Variants in NRG1 observed in about 807,000 individuals in gnomAD.
NRG1 encodes the protein neuregulin 1, also known as pro-neuregulin-1, membrane-bound isoform.
Under a neutral mutation model 63.8 loss-of-function variants are expected in NRG1, and 18 were observed. That is an observed-to-expected ratio of 0.28 (90% CI 0.19 to 0.42). NRG1 has a LOEUF of 0.42. Ranked by LOEUF, NRG1 falls within the 10% of genes least tolerant of loss-of-function variation. NRG1 has a pLI of 1.00. For missense variants in NRG1, 762 were observed against 814.7 expected (o/e 0.94, Z 0.79); for synonymous variants, 302 against 301.3 (o/e 1.00, Z -0.02).
At chr8:32,480,715 A>G (rs9886532) in intron 1 of NRG1, among the ~76,000 whole-genome samples, 94,744 of 151,998 alleles carry the variant, frequency 0.62, 29,765 homozygotes, top group East Asian at 0.79. Context: ...AAAGCTTCCA[A>G]TCATGGCAGA....
chr8:32,605,713 C>T (rs1199345628), intron 3 of NRG1, 30 bp downstream of exon 3: 50 of 1,608,524 alleles, frequency 3.1e-5, no homozygotes, highest in Non-Finnish European at 4.1e-5. Context: ...TTCTGTTCCT[C>T]AATCTGTAAC....
At chr8:31,989,388 A>T (rs1484085422) in intron 1 of NRG1, among the ~76,000 whole-genome samples, 1 of 151,812 alleles carries the variant, frequency 6.6e-6, no homozygotes, top group East Asian at 1.9e-4. Context: ...TCTGAGTATC[A>T]GTTATATTTA....
chr8:32,760,884 A>G (rs568517892), intron 11 of NRG1: 3 of 996,848 alleles, frequency 3.0e-6, no homozygotes, highest in Non-Finnish European at 3.6e-6. Flanking sequence ...ATCAAGGGCT[A>G]TGTCATTGCT....
At chr8:31,871,364 G>A (rs1406191754) in intron 1 of NRG1, among the ~76,000 whole-genome samples, 1 of 152,120 alleles carries the variant, frequency 6.6e-6, no homozygotes, top group African/African-American at 2.4e-5. Flanking sequence ...TTGCTTGCTT[G>A]TTGCGTTGCC....
intron 1 of NRG1, among the ~76,000 whole-genome samples, chr8:31,667,167 A>G (rs1418587537): frequency 6.6e-6 from 1 of 152,166 alleles, no homozygotes; most frequent in African/African-American, 2.4e-5. Context: ...CCCTGCAAAG[A>G]CTCAACCAGT....
At chr8:32,759,779 G>C (rs1830365548) in intron 10 of NRG1, among the ~76,000 whole-genome samples, 1 of 152,144 alleles carries the variant, frequency 6.6e-6, no homozygotes, top group Middle Eastern at 3.2e-3. Flanking sequence ...CATGAGAATT[G>C]GTTAAATAGT....
intron 3 of NRG1, among the ~76,000 whole-genome samples, chr8:32,606,479 G>A (rs1301005853): frequency 1.3e-5 from 2 of 151,996 alleles, no homozygotes; most frequent in African/African-American, 4.8e-5. Flanking sequence ...ATCCACCTCT[G>A]ACAACTTCTG....
At chr8:32,212,468 G>C (rs1487935263) in intron 1 of NRG1, among the ~76,000 whole-genome samples, 1 of 151,964 alleles carries the variant, frequency 6.6e-6, no homozygotes, top group African/African-American at 2.4e-5. Context: ...TAGAATGATG[G>C]GAAAATTAAA....
intron 1 of NRG1, among the ~76,000 whole-genome samples, chr8:31,913,223 C>T (rs1412330792): frequency 6.6e-6 from 1 of 152,148 alleles, no homozygotes; most frequent in Non-Finnish European, 1.5e-5. Flanking sequence ...AAAACAATAT[C>T]CACTCCTTAG....
intron 1 of NRG1, among the ~76,000 whole-genome samples, chr8:32,582,401 G>A (rs917960612): frequency 1.3e-5 from 2 of 152,076 alleles, no homozygotes; most frequent in Non-Finnish European, 2.9e-5. Context: ...CCCAGCCTGA[G>A]CTCTCTATAT....
At position 31,640,908 on chromosome 8, in the gene NRG1, T is replaced by C. The variant is rs1259972232; in HGVS notation, c.37+1477T>C. ...AGAGGGAGGTTTCGCTTTCTCCAGC[T>C]TCCCTTGTCTTAGGCTTTGCCACTG... is the stretch of plus-strand genomic sequence containing the variant. On this transcript the variant is annotated intron_variant, in intron 1 of 10. Transcript: ENST00000519301. The surrounding 1 kb of genome is among the most constrained non-coding windows in gnomAD (Gnocchi z 6.3). Among the ~76,000 whole-genome samples, 1 of 152,218 alleles carries C rather than the reference T, an allele frequency of 6.6e-6. No individual in the cohort carries two copies. Among genetic ancestry groups the C allele is most frequent in the African/African-American group, 2.4e-5 (1 of 41,470 alleles).
chr8:32,764,001 G>A (rs2129062215), exon 12 of NRG1: 1 of 1,614,064 alleles, frequency 6.2e-7, no homozygotes, highest in Non-Finnish European at 8.5e-7. Context: ...CCCCGCGCAT[G>A]ACAGTAACAG....
intron 1 of NRG1, among the ~76,000 whole-genome samples, chr8:31,740,150 G>A (rs1318622372): frequency 1.3e-5 from 2 of 151,844 alleles, no homozygotes; most frequent in Admixed American, 6.6e-5. Context: ...ATATGTATTA[G>A]GCAATGCAAA....
chr8:32,382,412 A>T (rs578228032), intron 1 of NRG1, among the ~76,000 whole-genome samples: 25 of 152,188 alleles, frequency 1.6e-4, no homozygotes, highest in Non-Finnish European at 3.5e-4. Flanking sequence ...TTTTGTAGCT[A>T]TGGAGCTTAG....
intron 3 of NRG1, among the ~76,000 whole-genome samples, chr8:32,610,165 C>T (rs2439278): frequency 1 from 152,325 of 152,326 alleles, 76,162 homozygotes; most frequent in Non-Finnish European, 1. Flanking sequence ...GCTATAGTTT[C>T]GAGAATTTCT....
intron 1 of NRG1, among the ~76,000 whole-genome samples, chr8:32,233,128 G>A (rs1239726735): frequency 6.6e-6 from 1 of 151,998 alleles, no homozygotes; most frequent in East Asian, 1.9e-4. Flanking sequence ...TGGAGACAGG[G>A]TCTCACTCTG....
intron 5 of NRG1, among the ~76,000 whole-genome samples, chr8:32,692,378 G>T (rs577647664): frequency 6.6e-6 from 1 of 152,238 alleles, no homozygotes; most frequent in East Asian, 1.9e-4. Context: ...TGTCATGTAG[G>T]GTCTTTGCCT....
intron 1 of NRG1, among the ~76,000 whole-genome samples, chr8:32,068,225 CTT>C (rs1189013991): frequency 6.6e-6 from 1 of 152,080 alleles, no homozygotes; most frequent in Non-Finnish European, 1.5e-5. Flanking sequence ...GAAAGAAAGA[CTT>C]TGAGCTAAAG....
At chr8:31,836,360 C>T (rs201162607) in intron 1 of NRG1, among the ~76,000 whole-genome samples, 3 of 152,048 alleles carry the variant, frequency 2.0e-5, no homozygotes, top group Non-Finnish European at 4.4e-5. Context: ...CATATATTGA[C>T]GTCTTTACAT....
Sources: gnomAD v4.1 joint callset for allele counts (sites outside exome capture counted in the v4.1 genomes callset) on GRCh38, gnomAD v4.1.1 for gene constraint, Gnocchi (gnomAD v3.1) non-coding constraint, MANE v1.5 for transcripts, NCBI Gene and HGNC (gene_info 2026-07-23, HGNC 2026-07-21) for gene names.